The following CNTN1 variants were observed in gnomAD, a reference collection of about 807,000 sequenced individuals.
CNTN1 encodes the protein contactin-1.
CNTN1 carries 38 observed loss-of-function variants against 126.4 expected under a neutral mutation model. The observed-to-expected ratio is 0.30, with a 90% CI of 0.23 to 0.39. The LOEUF (loss-of-function observed/expected upper bound fraction) is 0.39. CNTN1 is among the 10% of genes least tolerant of loss of function. CNTN1 has a pLI of 1.00. For missense variants in CNTN1, 1,009 were observed against 1,248.4 expected (o/e 0.81, Z 2.89); for synonymous variants, 413 against 422.6 (o/e 0.98, Z 0.28).
intron 1 of CNTN1, among the ~76,000 whole-genome samples, chr12:40,747,725 G>GT (rs1373832967): frequency 6.6e-6 from 1 of 152,046 alleles, no homozygotes; most frequent in African/African-American, 2.4e-5. Flanking sequence ...ACACGGAGTG[G>GT]TAAGAAAAAT....
chr12:40,931,707 C>T (rs1303591958), intron 7 of CNTN1, among the ~76,000 whole-genome samples: 1 of 151,896 alleles, frequency 6.6e-6, no homozygotes, highest in East Asian at 1.9e-4. Flanking sequence ...GGACAGCTAA[C>T]CCTGTGGTTC....
chr12:41,034,994 G>C (rs1442330034), intron 23 of CNTN1, among the ~76,000 whole-genome samples: 1 of 152,152 alleles, frequency 6.6e-6, no homozygotes, highest in Non-Finnish European at 1.5e-5. Context: ...AGCCTTAATT[G>C]TCCTTCAGAA....
At chr12:40,718,316 G>T (rs944879132) in intron 1 of CNTN1, among the ~76,000 whole-genome samples, 1 of 152,030 alleles carries the variant, frequency 6.6e-6, no homozygotes, top group Non-Finnish European at 1.5e-5. Context: ...CTACAGGCAC[G>T]TGCTACCATG....
chr12:40,872,931 A>T (rs2136675275), intron 1 of CNTN1, among the ~76,000 whole-genome samples: 1 of 152,166 alleles, frequency 6.6e-6, no homozygotes, highest in Middle Eastern at 3.4e-3. Flanking sequence ...TACTATTATT[A>T]CCCCATTTTA....
intron 1 of CNTN1, among the ~76,000 whole-genome samples, chr12:40,863,014 T>C (rs1177272748): frequency 6.6e-6 from 1 of 152,212 alleles, no homozygotes; most frequent in Non-Finnish European, 1.5e-5. Flanking sequence ...GTTTTAACTT[T>C]AGTCATTTAA....
intron 1 of CNTN1, among the ~76,000 whole-genome samples, chr12:40,716,071 G>A (rs1186041169): frequency 6.6e-6 from 1 of 151,700 alleles, no homozygotes; most frequent in Non-Finnish European, 1.5e-5. Flanking sequence ...CTATCTCTAA[G>A]CCTCACATAA....
intron 1 of CNTN1, among the ~76,000 whole-genome samples, chr12:40,816,948 T>C (rs1941275074): frequency 6.6e-6 from 1 of 152,324 alleles, no homozygotes; most frequent in East Asian, 1.9e-4. Context: ...CCCATGAAAT[T>C]GTGTAGTTTT....
At chr12:40,885,255 C>T (rs77430297) in intron 1 of CNTN1, among the ~76,000 whole-genome samples, 568 of 151,780 alleles carry the variant, frequency 3.7e-3, no homozygotes, top group African/African-American at 0.013. Context: ...CAAAGAAGAA[C>T]CTATATGAAG....
At chr12:40,883,485 G>A (rs1943938190) in intron 1 of CNTN1, among the ~76,000 whole-genome samples, 2 of 151,512 alleles carry the variant, frequency 1.3e-5, no homozygotes, top group African/African-American at 2.4e-5. Flanking sequence ...TCCCTTTCCA[G>A]CTGCCTGCTA....
At chr12:40,747,186 C>G (rs528401280) in intron 1 of CNTN1, among the ~76,000 whole-genome samples, 1 of 152,158 alleles carries the variant, frequency 6.6e-6, no homozygotes, top group South Asian at 2.1e-4. Context: ...TTTTGTTTGT[C>G]TCACTGGGTG....
intron 14 of CNTN1, among the ~76,000 whole-genome samples, chr12:40,946,141 C>A (rs1946426715): frequency 6.6e-6 from 1 of 152,130 alleles, no homozygotes; most frequent in South Asian, 2.1e-4. Flanking sequence ...CAACACAAGA[C>A]TAATGAAGCT....
At chr12:41,040,630 G>T (rs201227342) in intron 23 of CNTN1, among the ~76,000 whole-genome samples, 2 of 152,044 alleles carry the variant, frequency 1.3e-5, no homozygotes, top group South Asian at 4.2e-4. Flanking sequence ...GGTCCTTCAC[G>T]TCCCTTGTAA....
At chr12:40,993,077 G>A in intron 16 of CNTN1, 43 bp from the exon 17 acceptor site, 1 of 1,557,452 alleles carries the variant, frequency 6.4e-7, no homozygotes, top group South Asian at 1.1e-5. Flanking sequence ...AAAGTGATAA[G>A]TTAATCAACC....
intron 15 of CNTN1, among the ~76,000 whole-genome samples, chr12:40,971,012 GTTGA>G (rs1166302031): frequency 8.0e-5 from 12 of 150,342 alleles, no homozygotes; most frequent in Admixed American, 1.4e-4. Context: ...AGCCTTAACC[GTTGA>G]TTAACTTTTT....
chr12:41,066,740 C>T (rs757309519), intron 23 of CNTN1, among the ~76,000 whole-genome samples: 1 of 152,146 alleles, frequency 6.6e-6, no homozygotes, highest in Non-Finnish European at 1.5e-5. Flanking sequence ...ATCAGAAAGC[C>T]TGCAGTACTG....
intron 1 of CNTN1, among the ~76,000 whole-genome samples, chr12:40,874,350 T>C (rs1943600371): frequency 6.6e-6 from 1 of 152,120 alleles, no homozygotes; most frequent in Admixed American, 6.6e-5. Flanking sequence ...TGATAATAAA[T>C]ATCAAAGTCA....
At chr12:41,017,959 C>T (rs1159860500) in intron 19 of CNTN1, among the ~76,000 whole-genome samples, 1 of 151,814 alleles carries the variant, frequency 6.6e-6, no homozygotes. Context: ...GGATTGGTGG[C>T]ACATGCCTGT....
intron 16 of CNTN1, among the ~76,000 whole-genome samples, chr12:40,989,519 T>G (rs1948049743): frequency 6.6e-6 from 1 of 152,072 alleles, no homozygotes; most frequent in Non-Finnish European, 1.5e-5. Context: ...ATGGATATTA[T>G]GTGGTGGGGC....
At chr12:40,849,891 T>A (rs544645050) in intron 1 of CNTN1, among the ~76,000 whole-genome samples, 8 of 152,096 alleles carry the variant, frequency 5.3e-5, no homozygotes, top group Non-Finnish European at 1.2e-4. Flanking sequence ...ACAGTATATA[T>A]ATAGTACATA....
Sources: gnomAD v4.1 joint callset for allele counts (sites outside exome capture counted in the v4.1 genomes callset) on GRCh38, gnomAD v4.1.1 for gene constraint, MANE v1.5 for transcripts, NCBI Gene and HGNC (gene_info 2026-07-23, HGNC 2026-07-21) for gene names.